The following ATP9B variants were observed in gnomAD, a reference collection of about 807,000 sequenced individuals.
ATP9B encodes the protein ATPase phospholipid transporting 9B, also known as probable phospholipid-transporting ATPase IIB.
In ATP9B, 110 loss-of-function variants were observed where a neutral mutation model predicts 146.1. The observed-to-expected ratio is 0.75, with a 90% confidence interval of 0.65 to 0.88. The LOEUF is 0.88. ATP9B is among the 40% of genes least tolerant of loss of function. The pLI is 0.00. For missense variants in ATP9B, 1,499 were observed against 1,496.4 expected (o/e 1.00, Z -0.03); for synonymous variants, 604 against 569.7 (o/e 1.06, Z -0.86).
At chr18:79,071,049 C>CTTTTTTTTTTTTTTTT (rs746689031) in intron 1 of ATP9B, among the ~76,000 whole-genome samples, 3 of 112,390 alleles carry the variant, frequency 2.7e-5, no homozygotes, top group Non-Finnish European at 5.4e-5. Flanking sequence ...ATTCCTGTTT[C>CTTTTTTTTTTTTTTTT]TTTTTTTTTT....
At chr18:79,190,227 T>C (rs1303755562) in intron 8 of ATP9B, among the ~76,000 whole-genome samples, 1 of 152,176 alleles carries the variant, frequency 6.6e-6, no homozygotes, top group East Asian at 1.9e-4. Context: ...GTGTATATTT[T>C]ATTGTAGTAA....
intron 11 of ATP9B, among the ~76,000 whole-genome samples, chr18:79,246,024 A>T (rs1187357993): frequency 2.9e-5 from 3 of 103,930 alleles, no homozygotes; most frequent in Admixed American, 1.9e-4. Flanking sequence ...CTACTGACTG[A>T]GGAGGGCACC....
intron 10 of ATP9B, among the ~76,000 whole-genome samples, chr18:79,209,090 G>A (rs1186935269): frequency 1.3e-5 from 2 of 152,204 alleles, no homozygotes; most frequent in African/African-American, 2.4e-5. Context: ...CACGCTGAAT[G>A]GCTGCACTCG....
chr18:79,248,150 C>T (rs115283038), intron 11 of ATP9B, among the ~76,000 whole-genome samples: 277 of 152,294 alleles, frequency 1.8e-3, no homozygotes, highest in African/African-American at 6.4e-3. Context: ...GGTCAGCCTG[C>T]ATGTACTACA....
intron 11 of ATP9B, among the ~76,000 whole-genome samples, chr18:79,246,527 T>C (rs2095966012): frequency 6.6e-6 from 1 of 152,192 alleles, no homozygotes; most frequent in African/African-American, 2.4e-5. Context: ...TTCAAGTATG[T>C]AGATTCTGGC....
intron 8 of ATP9B, among the ~76,000 whole-genome samples, chr18:79,181,419 T>C (rs1180087146): frequency 6.6e-6 from 1 of 152,206 alleles, no homozygotes; most frequent in Non-Finnish European, 1.5e-5. Context: ...ATTTTTCTTA[T>C]CTTTCCTTCT....
intron 4 of ATP9B, among the ~76,000 whole-genome samples, chr18:79,124,718 G>A (rs2094251720): frequency 6.6e-6 from 1 of 152,358 alleles, no homozygotes; most frequent in South Asian, 2.1e-4. Context: ...AAGGTTAGGG[G>A]TTTGGGGAGA....
chr18:79,113,470 T>A (rs1568202678), intron 4 of ATP9B, 116 bp downstream of exon 4: 1 of 631,156 alleles, frequency 1.6e-6, no homozygotes. Flanking sequence ...TGTTGTAGTG[T>A]TCACTGAACT....
intron 19 of ATP9B, chr18:79,340,394 T>C (rs1256576056): frequency 6.6e-6 from 1 of 152,226 alleles, no homozygotes; most frequent in Non-Finnish European, 1.5e-5. Context: ...GTTGCCGCAG[T>C]GCTAGTTCTT....
intron 4 of ATP9B, among the ~76,000 whole-genome samples, chr18:79,120,898 C>T (rs1223220121): frequency 2.6e-5 from 4 of 152,062 alleles, no homozygotes; most frequent in Non-Finnish European, 5.9e-5. Context: ...TTCTCGTGTG[C>T]GTGTCTCTGC....
Position 79,096,537 on chromosome 18 carries a change from G to A in ATP9B, c.181G>A (p.Gly61Ser). The A allele has an allele frequency of 2.5e-6, 4 of 1,614,036 alleles. No individual in the cohort carries two copies. Among genetic ancestry groups the A allele is most frequent in the Non-Finnish European group, 3.4e-6 (4 of 1,179,960 alleles). ...DEMPLMMSEE[G>S]FENEESDYHT... ...AATGCCACTAATGATGTCTGAAGAA[G>A]GCTTTGAGAATGAGGAAAGTGATTA... The change falls in exon 2 of 30, where the codon GGC becomes AGC. Residue 61 changes from glycine to serine, a missense_variant. Coordinates refer to ENST00000426216, the MANE Select transcript of ATP9B (RefSeq NM_198531.5).
intron 7 of ATP9B, among the ~76,000 whole-genome samples, chr18:79,155,288 T>G (rs1474441355): frequency 6.6e-6 from 1 of 152,198 alleles, no homozygotes; most frequent in Admixed American, 6.5e-5. Flanking sequence ...GCCTATTGAG[T>G]TGATGCAGAC....
At chr18:79,134,436 G>C (rs1329248107) in intron 5 of ATP9B, among the ~76,000 whole-genome samples, 1 of 152,214 alleles carries the variant, frequency 6.6e-6, no homozygotes, top group Non-Finnish European at 1.5e-5. Context: ...AGTTTCGTGA[G>C]CTTGGGGTCC....
At chr18:79,175,785 C>CTTGTGCACACACAGATAT (rs1568335164) in intron 7 of ATP9B, among the ~76,000 whole-genome samples, 30 of 151,970 alleles carry the variant, frequency 2.0e-4, no homozygotes, top group Non-Finnish European at 3.4e-4. Context: ...CACACAGATA[C>CTTGTGCACACACAGATAT]GCTTGTGCAC....
intron 12 of ATP9B, among the ~76,000 whole-genome samples, chr18:79,273,906 C>G (rs1467447887): frequency 6.6e-6 from 1 of 152,194 alleles, no homozygotes; most frequent in African/African-American, 2.4e-5. Flanking sequence ...CATGTATCTT[C>G]CTACTCCTAA....
chr18:79,136,346 G>GT (rs1414469535), intron 5 of ATP9B, among the ~76,000 whole-genome samples: 1 of 151,964 alleles, frequency 6.6e-6, no homozygotes, highest in Non-Finnish European at 1.5e-5. Flanking sequence ...GTGTTTTGTT[G>GT]TTTTTTGAGG....
At chr18:79,151,367 A>AC (rs1353911669) in intron 6 of ATP9B, among the ~76,000 whole-genome samples, 1 of 152,194 alleles carries the variant, frequency 6.6e-6, no homozygotes, top group Non-Finnish European at 1.5e-5. Flanking sequence ...TTTATGAGAT[A>AC]CATCCATGTT....
intron 3 of ATP9B, among the ~76,000 whole-genome samples, chr18:79,110,759 A>G (rs758697714): frequency 3.3e-5 from 5 of 152,262 alleles, no homozygotes; most frequent in Non-Finnish European, 5.9e-5. Flanking sequence ...CTTGATAAAC[A>G]TCATATTTAT....
chr18:79,282,590 G>A (rs138596799), intron 13 of ATP9B, among the ~76,000 whole-genome samples: 99 of 152,266 alleles, frequency 6.5e-4, no homozygotes, highest in Middle Eastern at 3.4e-3. Context: ...TTGTTTTTTA[G>A]ACATACTACT....
Sources: gnomAD v4.1 joint callset for allele counts (sites outside exome capture counted in the v4.1 genomes callset) on GRCh38, gnomAD v4.1.1 for gene constraint, MANE v1.5 for transcripts, NCBI Gene and HGNC (gene_info 2026-07-23, HGNC 2026-07-21) for gene names.